Variants in CPA6 observed in about 807,000 individuals in gnomAD.
CPA6 encodes carboxypeptidase B.
In CPA6, 58 loss-of-function variants were observed where a neutral mutation model predicts 63.3. The ratio of observed to expected loss-of-function variants is 0.92; its 90% CI spans 0.74 to 1.14. CPA6 has a LOEUF of 1.14. CPA6 is among the 50% of genes most tolerant of loss of function. The pLI, the probability that CPA6 is intolerant of heterozygous loss-of-function variation, is 0.00. For missense variants in CPA6, 565 were observed against 526.6 expected (o/e 1.07, Z -0.71); for synonymous variants, 185 against 179.0 (o/e 1.03, Z -0.27).
intron 2 of CPA6, among the ~76,000 whole-genome samples, chr8:67,519,733 T>A (rs1393073443): frequency 3.3e-5 from 5 of 152,224 alleles, no homozygotes; most frequent in Non-Finnish European, 5.9e-5. Context: ...TCAATCCATC[T>A]GTCAGCCCTT....
intron 2 of CPA6, among the ~76,000 whole-genome samples, chr8:67,622,825 T>C (rs1445402813): frequency 6.6e-6 from 1 of 152,214 alleles, no homozygotes; most frequent in East Asian, 1.9e-4. Flanking sequence ...ATGAGGCCTG[T>C]TTGGTAATCT....
chr8:67,636,313 C>T (rs772452605), intron 1 of CPA6, among the ~76,000 whole-genome samples: 1 of 151,382 alleles, frequency 6.6e-6, no homozygotes, highest in Non-Finnish European at 1.5e-5. Context: ...TTGAATCAAC[C>T]AACTTTTAAG....
chr8:67,530,313 A>C (rs1421994827), intron 2 of CPA6, among the ~76,000 whole-genome samples: 1 of 152,160 alleles, frequency 6.6e-6, no homozygotes, highest in Non-Finnish European at 1.5e-5. Flanking sequence ...CATAATCAGA[A>C]AATTAATACA....
At chr8:67,543,467 T>C (rs543279462) in intron 2 of CPA6, among the ~76,000 whole-genome samples, 6 of 152,312 alleles carry the variant, frequency 3.9e-5, no homozygotes, top group South Asian at 4.2e-4. Context: ...CTGCTCAATT[T>C]CTGTTTGACA....
At chr8:67,543,269 T>A (rs1414142612) in intron 2 of CPA6, among the ~76,000 whole-genome samples, 1 of 152,250 alleles carries the variant, frequency 6.6e-6, no homozygotes, top group African/African-American at 2.4e-5. Context: ...CACTTATGTT[T>A]TTGTTTTCCT....
At chr8:67,593,210 A>T (rs1587610418) in intron 2 of CPA6, among the ~76,000 whole-genome samples, 1 of 150,752 alleles carries the variant, frequency 6.6e-6, no homozygotes, top group African/African-American at 2.5e-5. Flanking sequence ...TGAGTTTCTT[A>T]ATCCTGAGTT....
intron 1 of CPA6, among the ~76,000 whole-genome samples, chr8:67,659,586 C>A (rs572713851): frequency 1.3e-5 from 2 of 152,138 alleles, no homozygotes; most frequent in African/African-American, 4.8e-5. Flanking sequence ...AGTCTCCTGG[C>A]GCTTGGATTA....
At chr8:67,575,475 A>G (rs987160067) in intron 2 of CPA6, among the ~76,000 whole-genome samples, 4 of 152,246 alleles carry the variant, frequency 2.6e-5, no homozygotes, top group African/African-American at 9.6e-5. Context: ...CAAGATACAG[A>G]ATCAACCTAA....
chr8:67,705,452 G>A (rs1346252085), intron 1 of CPA6, among the ~76,000 whole-genome samples: 1 of 152,146 alleles, frequency 6.6e-6, no homozygotes, highest in African/African-American at 2.4e-5. Context: ...ATCCTGCCAG[G>A]TAATGGGGGC....
At chr8:67,435,849 T>C (rs1390235705) in intron 8 of CPA6, among the ~76,000 whole-genome samples, 1 of 151,080 alleles carries the variant, frequency 6.6e-6, no homozygotes, top group Non-Finnish European at 1.5e-5. Context: ...TATTGGAGAG[T>C]CACTGGGGGC....
intron 8 of CPA6, among the ~76,000 whole-genome samples, chr8:67,438,383 A>T (rs1240161296): frequency 6.6e-6 from 1 of 150,910 alleles, no homozygotes; most frequent in Non-Finnish European, 1.5e-5. Flanking sequence ...CAAGAATTCC[A>T]TTCACATTTG....
At chr8:67,520,155 A>T (rs1042583507) in intron 2 of CPA6, among the ~76,000 whole-genome samples, 9 of 129,952 alleles carry the variant, frequency 6.9e-5, no homozygotes, top group African/African-American at 3.3e-4. Context: ...AGTGGATATG[A>T]GGAAATTGTG....
intron 1 of CPA6, among the ~76,000 whole-genome samples, chr8:67,684,646 T>C (rs1219892374): frequency 6.6e-6 from 1 of 152,128 alleles, no homozygotes; most frequent in Non-Finnish European, 1.5e-5. Flanking sequence ...GAGCTTTAAC[T>C]CTAGAGAAGC....
intron 1 of CPA6, among the ~76,000 whole-genome samples, chr8:67,716,658 T>G (rs1817388683): frequency 6.6e-6 from 1 of 152,188 alleles, no homozygotes; most frequent in Admixed American, 6.5e-5. Context: ...TGTAGGCAAA[T>G]TGAAAGGGAG....
At chr8:67,480,851 G>A (rs978320250) in intron 8 of CPA6, among the ~76,000 whole-genome samples, 1 of 152,076 alleles carries the variant, frequency 6.6e-6, no homozygotes, top group African/African-American at 2.4e-5. Context: ...TTTTATTATA[G>A]CCGTCTTAGT....
chr8:67,575,607 A>G (rs978551866), intron 2 of CPA6, among the ~76,000 whole-genome samples: 8 of 152,368 alleles, frequency 5.3e-5, no homozygotes, highest in African/African-American at 1.7e-4. Context: ...CTGTAATCCC[A>G]GCAGTTTGGG....
At chr8:67,623,626 G>T (rs549993957) in intron 2 of CPA6, among the ~76,000 whole-genome samples, 22 of 152,126 alleles carry the variant, frequency 1.4e-4, no homozygotes, top group African/African-American at 5.3e-4. Context: ...CAGAGATGGG[G>T]TTTTACCATG....
At chr8:67,630,012 G>A (rs1382340793) in intron 1 of CPA6, among the ~76,000 whole-genome samples, 1 of 151,906 alleles carries the variant, frequency 6.6e-6, no homozygotes, top group Non-Finnish European at 1.5e-5. Flanking sequence ...GGCTGAGGCA[G>A]GAGAATGGCG....
intron 2 of CPA6, among the ~76,000 whole-genome samples, chr8:67,561,214 C>T (rs1031078574): frequency 2.6e-5 from 4 of 152,122 alleles, no homozygotes; most frequent in African/African-American, 9.7e-5. Flanking sequence ...GTTAAAAAAA[C>T]TGGTTCCAGG....
Sources: allele counts gnomAD v4.1 joint callset (sites outside exome capture counted in the v4.1 genomes callset), GRCh38; gene constraint gnomAD v4.1.1; transcripts MANE v1.5; gene names NCBI Gene and HGNC (gene_info 2026-07-23, HGNC 2026-07-21).